The following CARD14 variants were observed in gnomAD, a reference collection of about 807,000 sequenced individuals.
CARD14 encodes the protein caspase recruitment domain-containing protein 14.
A neutral mutation model predicts 111.5 loss-of-function variants in CARD14; 107 were observed. The ratio of observed to expected loss-of-function variants is 0.96; its 90% confidence interval spans 0.82 to 1.13. The LOEUF (loss-of-function observed/expected upper bound fraction) is 1.13, where lower values mean the gene tolerates loss of function less well. CARD14 is among the 50% of genes most tolerant of loss of function. The probability of loss-of-function intolerance (pLI) is 0.00; values close to 1 mark genes in which losing one functional copy is unlikely to be tolerated. For synonymous variants in CARD14, 617 were observed against 579.6 expected (o/e 1.06, Z -0.93); for missense variants, 1,322 against 1,362.3 (o/e 0.97, Z 0.47).
rs3829611 is a variant in CARD14, at chr17:80,188,016, C to T, written c.676-361C>T. 0.37 allele frequency: 357,901 copies of T among 973,032 alleles called. 66,502 individuals carry two copies. The highest frequency in any genetic ancestry group is 0.46 in the African/African-American group (26,339 of 57,278). The allele number at this position is 973,032 out of a possible 1,614,324, so 60.3% of individuals were successfully genotyped here. A position where few individuals can be genotyped will look rare whatever the true frequency, so the allele number is the denominator to read the frequency against. ...CCCTTTCTTGATGTATTTAGCAGAA[C>T]ATGGACAAGCAGGGAAGCCAGGGAG... On this transcript the variant is annotated intron_variant, in intron 7 of 23. Coordinates refer to ENST00000648509, the MANE Select transcript of CARD14 (RefSeq NM_001366385.1). The surrounding 1 kb of genome is among the most constrained non-coding windows in gnomAD (Gnocchi z 4.5).
At chr17:80,186,494 C>T (rs1179504467) in intron 7 of CARD14, among the ~76,000 whole-genome samples, 1 of 152,276 alleles carries the variant, frequency 6.6e-6, no homozygotes, top group East Asian at 1.9e-4. Context: ...CCGGCCTACC[C>T]CAAATCCAGG....
chr17:80,183,156 G>A (rs1275027111), intron 6 of CARD14, among the ~76,000 whole-genome samples: 1 of 152,240 alleles, frequency 6.6e-6, no homozygotes, highest in African/African-American at 2.4e-5. Context: ...GAACGGCCCA[G>A]CCTCAGCTCT....
At chr17:80,183,795 C>T in intron 6 of CARD14, 118 bp from the exon 7 acceptor site, 4 of 810,104 alleles carry the variant, frequency 4.9e-6, no homozygotes, top group Non-Finnish European at 5.6e-6. Context: ...TGCTCACCCG[C>T]CCACATGCTC....
intron 2 of CARD14, among the ~76,000 whole-genome samples, chr17:80,176,825 C>G (rs886390257): frequency 1.3e-5 from 2 of 152,246 alleles, no homozygotes; most frequent in African/African-American, 4.8e-5. Flanking sequence ...TGGAGTCAGA[C>G]TCTAGCGACG....
rs910629285 is a variant in CARD14 at position 80,204,109 on chromosome 17, G to T, written c.2284-118G>T. The T allele has an allele frequency of 4.9e-6, 5 of 1,018,966 alleles. No individual in the cohort carries two copies. In the Admixed American group the frequency reaches 1.3e-4, roughly 27 times the overall value. 63.1% of individuals were successfully genotyped at this position (1,018,966 alleles called of 1,614,324 possible). On this transcript the variant is annotated intron_variant, in intron 19 of 23. Transcript: ENST00000648509. ...AGACACACCTCAGGCTGTTCTCAGAGCATCTGCGCCTCTGCATCACTCCCA... is the reference window on the plus strand; with the variant it reads ...AGACACACCTCAGGCTGTTCTCAGATCATCTGCGCCTCTGCATCACTCCCA...
chr17:80,194,989 T>A (rs150943769), intron 12 of CARD14, among the ~76,000 whole-genome samples: 3 of 152,196 alleles, frequency 2.0e-5, no homozygotes, highest in Non-Finnish European at 4.4e-5. Flanking sequence ...GTGTCAGTGC[T>A]GTGTGCTAAT....
At chr17:80,191,298 T>TCCTTACTCCCGTCGTGGCCC (rs754371883) in intron 10 of CARD14, 25 bp from the exon 11 acceptor site, 2 of 1,597,858 alleles carry the variant, frequency 1.3e-6, no homozygotes, top group Admixed American at 3.3e-5. Flanking sequence ...TGGCGCGGCC[T>TCCTTACTCCCGTCGTGGCCC]CCTTACTCCC....
Position 80,191,002 on chromosome 17 carries a change from G to A in CARD14, c.1089+103G>A, listed in dbSNP as rs553966718. ...TGGCTCCCTGCCCTTGATGGCAGCT[G>A]GTCCCAGATTTCAGGGTCTCTTTCC... On this transcript the variant is annotated intron_variant, in intron 10 of 23. Transcript: ENST00000648509. The A allele has an allele frequency of 1.1e-4, 168 of 1,473,658 alleles. No individual in the cohort carries two copies. The African/African-American group carries it at 1.9e-3, about 16-fold the overall frequency. 91.3% of individuals were successfully genotyped at this position (1,473,658 alleles called of 1,614,324 possible). A position where few individuals can be genotyped will look rare whatever the true frequency, so the allele number is the denominator to read the frequency against.
At chr17:80,187,991 C>T in intron 7 of CARD14, 1 of 986,776 alleles carries the variant, frequency 1.0e-6, no homozygotes, top group Non-Finnish European at 1.2e-6. Context: ...ACTCCAAATT[C>T]CCTTTCTTGA....
At position 80,203,581 on chromosome 17, in the gene CARD14, G is replaced by A. The variant is rs1054517478; in HGVS notation, c.2220-241G>A. On this transcript the variant is annotated intron_variant, in intron 18 of 23. Coordinates refer to ENST00000648509, the MANE Select transcript of CARD14 (RefSeq NM_001366385.1). The surrounding 1 kb of genome is among the most constrained non-coding windows in gnomAD (Gnocchi z 4.6). ...CAGCACCCCCTGGGTCCCGCCCCAGGACAAGTAAATCAGCATCTCCAGGGG... is the reference window on the plus strand; with the variant it reads ...CAGCACCCCCTGGGTCCCGCCCCAGAACAAGTAAATCAGCATCTCCAGGGG... The A allele has an allele frequency of 1.3e-5, 6 of 477,852 alleles. No homozygotes were observed. Among genetic ancestry groups the A allele is most frequent in the Non-Finnish European group, 1.8e-5 (5 of 270,278 alleles). 29.6% of individuals were successfully genotyped at this position (477,852 alleles called of 1,614,324 possible). A position where few individuals can be genotyped will look rare whatever the true frequency, so the allele number is the denominator to read the frequency against.
chr17:80,174,787 G>A lies in CARD14; in HGVS notation c.-367+1559G>A, dbSNP rs562504734. 2.1e-3 allele frequency among the ~76,000 whole-genome samples: 325 copies of A among 152,166 alleles called. 2 individuals are homozygous for A. Among genetic ancestry groups the A allele is most frequent in the Non-Finnish European group, 2.9e-3 (198 of 67,994 alleles). On this transcript the variant is annotated intron_variant, in intron 2 of 23. Transcript: ENST00000648509. ...CCTGCTGAGGACTCCCAGGGAAGCT[G>A]GAGGCAGCTCTGGGGCGTTTTCTCT...
In CARD14 at chr17:80,188,490, G is replaced by C; in HGVS notation, c.789G>C (p.Glu263Asp). ...GCGACCAGGAGTCCGGGGATGAGGA[G>C]CTGAACCGCCTGAAGGAGGAGAATG... ...TASDQESGDE[E>D]LNRLKEENEK... Residue 263 changes from glutamate to aspartate, a missense_variant, in exon 8 of 24, where the codon GAG (glutamate) becomes GAC (aspartate). Physicochemically the swap from Glu to Asp is conservative, Grantham distance 45 (BLOSUM62 2). Coordinates refer to ENST00000648509, the MANE Select transcript of CARD14 (RefSeq NM_001366385.1). The surrounding 1 kb of genome is among the most constrained non-coding windows in gnomAD (Gnocchi z 4.5). The C allele has an allele frequency of 6.3e-7, 1 of 1,581,638 alleles. No homozygotes were observed. The highest frequency in any genetic ancestry group is 8.6e-7 in the Non-Finnish European group (1 of 1,165,188).
chr17:80,195,556 A>G lies in CARD14; in HGVS notation c.1500-2A>G, dbSNP rs1399902707. On this transcript the variant is annotated splice_acceptor_variant, in intron 13 of 23. Transcript: ENST00000648509. LOFTEE classifies it high-confidence loss of function. The surrounding 1 kb of genome is among the most constrained non-coding windows in gnomAD (Gnocchi z 4.7). ...GAGCCTGCTGCTGCTTATGCTTTGC[A>G]GCAGCTGCCTGGAGATCCCGGAGGG... 1 of 1,610,032 alleles carries G rather than the reference A, an allele frequency of 6.2e-7. No individual in the cohort carries two copies. Among genetic ancestry groups the G allele is most frequent in the East Asian group, 2.2e-5 (1 of 44,804 alleles).
At chr17:80,207,315 C>T (rs1450294529) in intron 23 of CARD14, among the ~76,000 whole-genome samples, 2 of 152,218 alleles carry the variant, frequency 1.3e-5, no homozygotes, top group South Asian at 2.1e-4. Flanking sequence ...CTTTGGGAGG[C>T]CAGGGTGGGC....
chr17:80,185,237 TG>T (rs1209046041), intron 7 of CARD14, among the ~76,000 whole-genome samples: 1 of 151,804 alleles, frequency 6.6e-6, no homozygotes, highest in Non-Finnish European at 1.5e-5. Context: ...TTTTTTGAAA[TG>T]GGGGGTTCTC....
chr17:80,181,965 T>TA (rs1333230361), intron 5 of CARD14, among the ~76,000 whole-genome samples: 1 of 152,176 alleles, frequency 6.6e-6, no homozygotes, highest in Non-Finnish European at 1.5e-5. Context: ...GTTTATTCAT[T>TA]AAAAAATGGG....
rs1194827647 is a variant in CARD14, at chr17:80,189,700, A to AG, written c.844-50dup. 2.0e-6 allele frequency: 3 copies of AG among 1,475,842 alleles called. No individual in the cohort carries two copies. The highest frequency in any genetic ancestry group is 1.5e-5 in the African/African-American group (1 of 67,860). The allele number at this position is 1,475,842 out of a possible 1,614,324, so 91.4% of individuals were successfully genotyped here. A position where few individuals can be genotyped will look rare whatever the true frequency, so the allele number is the denominator to read the frequency against. ...CATCTTCTCGGGATTCTGCTTGCCT[A>AG]GGGCAGGCCTCTGGGGAAGCCAGCA... On this transcript the variant is annotated intron_variant, in intron 8 of 23. Coordinates refer to ENST00000648509, the MANE Select transcript of CARD14 (RefSeq NM_001366385.1). The surrounding 1 kb of genome is among the most constrained non-coding windows in gnomAD (Gnocchi z 4.7).
chr17:80,203,620 T>G lies in CARD14; in HGVS notation c.2220-202T>G. The stretch of plus-strand genomic sequence containing the variant: ...CATCTCCAGGGGTGGGCCGAGGCCC[T>G]GGAGTCTTTTGAAAGCTCTGGAGAC... On this transcript the variant is annotated intron_variant, in intron 18 of 23. Coordinates refer to ENST00000648509, the MANE Select transcript of CARD14 (RefSeq NM_001366385.1). This position sits in a 1 kb window ranked among gnomAD's most constrained non-coding sequence, Gnocchi z 4.6. 1.9e-6 allele frequency: 1 copy of G among 520,948 alleles called. No individual in the cohort carries two copies. Among genetic ancestry groups the G allele is most frequent in the Non-Finnish European group, 3.4e-6 (1 of 293,908 alleles). The allele number at this position is 520,948 out of a possible 1,614,324, so 32.3% of individuals were successfully genotyped here. A position where few individuals can be genotyped will look rare whatever the true frequency, so the allele number is the denominator to read the frequency against.
rs143263919 is a variant in CARD14, at chr17:80,183,046, C to T, written c.349+256C>T. ...CCAGTGCCAAAAGGAGACCCCTGAG[C>T]GGTAGGGTGGGGAGAATCTGCTTGG... On this transcript the variant is annotated intron_variant, in intron 6 of 23. Transcript: ENST00000648509. Among the ~76,000 whole-genome samples the T allele has an allele frequency of 6.3e-3, 955 of 152,248 alleles. 8 individuals carry two copies. The highest frequency in any genetic ancestry group is 0.019 in the African/African-American group (797 of 41,544).
Sources: allele counts gnomAD v4.1 joint callset (sites outside exome capture counted in the v4.1 genomes callset), GRCh38; gene constraint gnomAD v4.1.1; non-coding constraint Gnocchi (gnomAD v3.1); transcripts MANE v1.5; gene names NCBI Gene and HGNC (gene_info 2026-07-23, HGNC 2026-07-21).